The following RAB11FIP5 variants were observed in gnomAD, a reference collection of about 807,000 sequenced individuals.
The protein encoded by RAB11FIP5 is RAB11 family interacting protein 5, also known as rab11 family-interacting protein 5.
A neutral mutation model predicts 85.1 loss-of-function variants in RAB11FIP5; 48 were observed. The ratio of observed to expected loss-of-function variants is 0.56; its 90% CI spans 0.45 to 0.72. The LOEUF (loss-of-function observed/expected upper bound fraction) is 0.72. Ranked by LOEUF, RAB11FIP5 falls within the 30% of genes least tolerant of loss-of-function variation. RAB11FIP5 has a pLI of 0.00. For missense variants in RAB11FIP5, 1,491 were observed against 1,687.0 expected (o/e 0.88, Z 2.04); for synonymous variants, 729 against 727.3 (o/e 1.00, Z -0.04).
At position 73,080,050 on chromosome 2, in the gene RAB11FIP5, T is replaced by A; in HGVS notation, c.3182A>T (p.Asp1061Val). 1 of 1,232,092 alleles carries A rather than the reference T, an allele frequency of 8.1e-7. No individual in the cohort carries two copies. Among genetic ancestry groups the A allele is most frequent in the Non-Finnish European group, 1.0e-6 (1 of 988,012 alleles). The allele number at this position is 1,232,092 out of a possible 1,614,324, so 76.3% of individuals were successfully genotyped here. The change falls in exon 4 of 6, where the codon GAT (aspartate) becomes GTT (valine). Residue 1061 changes from aspartate (D) to valine (V), a missense_variant. Transcript: ENST00000486777. ...CTGAAACAAGAAGGGGTTCAAGGCATCTTCCTTGGAGACCCACACATCAGC... is the reference window on the plus strand; with the variant it reads ...CTGAAACAAGAAGGGGTTCAAGGCAACTTCCTTGGAGACCCACACATCAGC... ...QQADVWVSKEDALNPFLFQGS... is the reference protein window; with the variant it reads ...QQADVWVSKEVALNPFLFQGS...
intron 3 of RAB11FIP5, among the ~76,000 whole-genome samples, chr2:73,083,337 AAC>A (rs1442239532): frequency 2.0e-5 from 3 of 152,148 alleles, no homozygotes; most frequent in Admixed American, 1.3e-4. Context: ...AGTCCAACTA[AAC>A]AGAGGCACAG....
chr2:73,088,970 G>C lies in RAB11FIP5; in HGVS notation c.777C>G (p.Ser259=). ...NTSLGSDSTL[S]SASGSLAYQG... ...GGTAGGCCAAGCTCCCGCTGGCTGA[G>C]GACAGGGTGCTGTCCGAGCCCAGCG... Residue 259 remains serine, a synonymous_variant, in exon 2 of 6, where the codon TCC becomes TCG. Transcript: ENST00000486777. 1 of 1,614,070 alleles carries C rather than the reference G, an allele frequency of 6.2e-7. No homozygotes were observed. The highest frequency in any genetic ancestry group is 1.1e-5 in the South Asian group (1 of 91,076).
intron 1 of RAB11FIP5, among the ~76,000 whole-genome samples, chr2:73,111,470 G>A (rs1055758486): frequency 2.0e-5 from 3 of 152,190 alleles, no homozygotes; most frequent in African/African-American, 7.2e-5. Flanking sequence ...CCCGGGGACT[G>A]GCTTCCAGCT....
chr2:73,081,511 G>GCGGCAGCGGCAGCAGTGA lies in RAB11FIP5; in HGVS notation c.1720_1721insTCACTGCTGCCGCTGCCG (p.Ala573_Ala574insValThrAlaAlaAlaAla). The GCGGCAGCGGCAGCAGTGA allele has an allele frequency of 8.1e-7, 1 of 1,231,896 alleles. No homozygotes were observed. The highest frequency in any genetic ancestry group is 3.1e-5 in the East Asian group (1 of 31,792). The allele number at this position is 1,231,896 out of a possible 1,614,324, so 76.3% of individuals were successfully genotyped here. Reference sequence around the variant, plus strand: ...GGTGGTGGCGGCAGCGGCAGCAGTGGCAGCAGCGGGGGAGGCGGCTGCAAA... The same window carrying GCGGCAGCGGCAGCAGTGA: ...GGTGGTGGCGGCAGCGGCAGCAGTGGCGGCAGCGGCAGCAGTGACAGCAGCGGGGGAGGCGGCTGCAAA... On this transcript the variant is annotated inframe_insertion, in exon 4 of 6. Coordinates refer to ENST00000486777, the MANE Select transcript of RAB11FIP5 (RefSeq NM_001371272.1). This position sits in a 1 kb window ranked among gnomAD's most constrained non-coding sequence, Gnocchi z 4.2.
chr2:73,104,153 G>A (rs1198518783), intron 1 of RAB11FIP5, among the ~76,000 whole-genome samples: 1 of 152,250 alleles, frequency 6.6e-6, no homozygotes, highest in African/African-American at 2.4e-5. Flanking sequence ...ACCTTTGGAA[G>A]GTTACACAAG....
intron 1 of RAB11FIP5, among the ~76,000 whole-genome samples, chr2:73,103,152 C>T (rs1411032200): frequency 6.6e-6 from 1 of 152,176 alleles, no homozygotes; most frequent in Admixed American, 6.5e-5. Flanking sequence ...TACAGTAAAA[C>T]TGCAAGCCAG....
At chr2:73,085,552 G>A (rs1354904962) in intron 3 of RAB11FIP5, among the ~76,000 whole-genome samples, 3 of 152,150 alleles carry the variant, frequency 2.0e-5, no homozygotes, top group Non-Finnish European at 4.4e-5. Flanking sequence ...GCAGGGGAAT[G>A]AGGCTAAGTC....
Position 73,086,962 on chromosome 2 carries a change from C to CAG in RAB11FIP5, c.1568+1086_1568+1087dup, listed in dbSNP as rs2106108546. Among the ~76,000 whole-genome samples, 1 of 152,336 alleles carries CAG rather than the reference C, an allele frequency of 6.6e-6. No individual in the cohort carries two copies. Among genetic ancestry groups the CAG allele is most frequent in the South Asian group, 2.1e-4 (1 of 4,832 alleles). ...GCATGTCTCTCTCCACTCCTCTCAA[C>CAG]AGACTCAGAGTGCCACAGGGAAACA... is the stretch of plus-strand genomic sequence containing the variant. On this transcript the variant is annotated intron_variant, in intron 3 of 5. Coordinates refer to ENST00000486777, the MANE Select transcript of RAB11FIP5 (RefSeq NM_001371272.1). This position sits in a 1 kb window ranked among gnomAD's most constrained non-coding sequence, Gnocchi z 4.4.
At position 73,075,554 on chromosome 2, in the gene RAB11FIP5, C is replaced by T. The variant is rs1051360627; in HGVS notation, c.3942G>A (p.Thr1314=). Residue 1314 remains threonine, a synonymous_variant, in exon 6 of 6, where the codon ACG becomes ACA. Transcript: ENST00000486777. This position sits in a 1 kb window ranked among gnomAD's most constrained non-coding sequence, Gnocchi z 4.6. The part of the protein sequence containing the change: ...LLVRIMETSP[T]LLQIPPGPPK ...GGGGGCCCGGGGGGATCTGCAGCAG[C>T]GTGGGTGAGGTCTCCATGATCCGCA... The T allele has an allele frequency of 6.2e-6, 10 of 1,613,988 alleles. No homozygotes were observed. The highest frequency in any genetic ancestry group is 1.3e-5 in the African/African-American group (1 of 74,912).
Position 73,088,194 on chromosome 2 carries a change from C to T in RAB11FIP5, c.1424G>A (p.Ser475Asn). ...FHHHHQGLSRSELGRRSSLGE... is the reference protein window; with the variant it reads ...FHHHHQGLSRNELGRRSSLGE... ...CAGAGAGCTTCGGCGACCCAACTCG[C>T]TCCGACTTAGGCCTTGGTGGTGGTG... The change falls in exon 3 of 6, where the codon AGC (serine) becomes AAC (asparagine). Residue 475 changes from serine to asparagine, a missense_variant. Coordinates refer to ENST00000486777, the MANE Select transcript of RAB11FIP5 (RefSeq NM_001371272.1). 1 of 1,614,026 alleles carries T rather than the reference C, an allele frequency of 6.2e-7. No homozygotes were observed. The highest frequency in any genetic ancestry group is 8.5e-7 in the Non-Finnish European group (1 of 1,180,034).
Position 73,088,583 on chromosome 2 carries a change from A to T in RAB11FIP5, c.1035T>A (p.Asn345Lys). The change falls in exon 3 of 6, where the codon AAT (asparagine) becomes AAA (lysine). Residue 345 changes from asparagine (N) to lysine (K), a missense_variant. Physicochemically the swap from Asn to Lys is moderately conservative, Grantham distance 94 (BLOSUM62 0). This residue lies in a region of RAB11FIP5 where 1,211 missense variants were observed against 1,338.0 expected (regional missense o/e 0.91). Transcript: ENST00000486777. Reference protein sequence around the residue: ...SLCVNGSHIYNEEPQGPVRHR... With the variant: ...SLCVNGSHIYKEEPQGPVRHR... ...GCCGCACAGGGCCCTGGGGCTCCTC[A>T]TTGTAAATGTGGCTCCCATTGACAC... The T allele has an allele frequency of 6.2e-7, 1 of 1,613,752 alleles. No individual in the cohort carries two copies. Among genetic ancestry groups the T allele is most frequent in the Middle Eastern group, 1.6e-4 (1 of 6,062 alleles).
Position 73,081,005 on chromosome 2 carries a change from G to A in RAB11FIP5, c.2227C>T (p.Leu743Phe), listed in dbSNP as rs978627966. The A allele has an allele frequency of 2.4e-6, 3 of 1,232,246 alleles. No individual in the cohort carries two copies. Among genetic ancestry groups the A allele is most frequent in the Non-Finnish European group, 3.0e-6 (3 of 988,126 alleles). The allele number at this position is 1,232,246 out of a possible 1,614,324, so 76.3% of individuals were successfully genotyped here. Residue 743 changes from leucine to phenylalanine, a missense_variant, in exon 4 of 6, where the codon CTC becomes TTC. This residue lies in a region of RAB11FIP5 where 1,211 missense variants were observed against 1,338.0 expected (regional missense o/e 0.91). Transcript: ENST00000486777. This position sits in a 1 kb window ranked among gnomAD's most constrained non-coding sequence, Gnocchi z 4.2. ...GGCAGGCCAGCCCCTACCGACCCGA[G>A]GAGCCCTGGGTCAGCCGCGCTCGCG... is the stretch of plus-strand genomic sequence containing the variant. ...QSASAADPGL[L>F]GSVGAGLPSS...
chr2:73,079,511 G>A (rs1214427069), intron 4 of RAB11FIP5, 140 bp downstream of exon 4: 35 of 1,085,998 alleles, frequency 3.2e-5, no homozygotes, highest in South Asian at 9.7e-5. Flanking sequence ...AGCCTGTACC[G>A]TCTTGCCTCT....
At chr2:73,094,765 T>C (rs727471) in intron 1 of RAB11FIP5, among the ~76,000 whole-genome samples, 48,384 of 151,938 alleles carry the variant, frequency 0.32, 9,185 homozygotes, top group East Asian at 0.55. Flanking sequence ...AAGGCTTGCC[T>C]TCCCAAGTCC....
At chr2:73,087,965 C>T in intron 3 of RAB11FIP5, 85 bp downstream of exon 3, 1 of 1,340,620 alleles carries the variant, frequency 7.5e-7, no homozygotes, top group Non-Finnish European at 1.0e-6. Context: ...TCCATATCTA[C>T]TCCTTCCTCC....
chr2:73,112,199 T>G (rs1000389763), intron 1 of RAB11FIP5, 148 bp downstream of exon 1: 1 of 983,334 alleles, frequency 1.0e-6, no homozygotes. Flanking sequence ...GACCCCGAAA[T>G]GCGAAGAACC....
chr2:73,110,750 CT>C, intron 1 of RAB11FIP5, among the ~76,000 whole-genome samples: 1 of 152,248 alleles, frequency 6.6e-6, no homozygotes, highest in South Asian at 2.1e-4. Flanking sequence ...ATCAAAGAAG[CT>C]GCTCCCTGCA....
At position 73,086,731 on chromosome 2, in the gene RAB11FIP5, C is replaced by T. The variant is rs1456607178; in HGVS notation, c.1568+1319G>A. On this transcript the variant is annotated intron_variant, in intron 3 of 5. Coordinates refer to ENST00000486777, the MANE Select transcript of RAB11FIP5 (RefSeq NM_001371272.1). This position sits in a 1 kb window ranked among gnomAD's most constrained non-coding sequence, Gnocchi z 4.4. ...TCTGGGAAAGGCCTGTCCCCTTCTT[C>T]CCAATCTTCCCCTAGGCCGCAGATG... is the stretch of plus-strand genomic sequence containing the variant. Among the ~76,000 whole-genome samples, 2 of 152,158 alleles carry T rather than the reference C, an allele frequency of 1.3e-5. No individual in the cohort carries two copies. The highest frequency in any genetic ancestry group is 4.8e-5 in the African/African-American group (2 of 41,428).
In RAB11FIP5 at chr2:73,112,909, G is replaced by C; in HGVS notation, c.-132C>G. On this transcript the variant is annotated 5_prime_UTR_variant, in exon 1 of 6. Coordinates refer to ENST00000486777, the MANE Select transcript of RAB11FIP5 (RefSeq NM_001371272.1). ...CCGCAGCTGCGGGCTGGGCTGGGCCGGGCCGACCGGCCGCCGCCTCCCCGC... is the reference window on the plus strand; with the variant it reads ...CCGCAGCTGCGGGCTGGGCTGGGCCCGGCCGACCGGCCGCCGCCTCCCCGC... 1 of 836,998 alleles carries C rather than the reference G, an allele frequency of 1.2e-6. No homozygotes were observed. Among genetic ancestry groups the C allele is most frequent in the Non-Finnish European group, 1.6e-6 (1 of 637,322 alleles). The allele number at this position is 836,998 out of a possible 1,614,324, so 51.8% of individuals were successfully genotyped here.
Sources: gnomAD v4.1 joint callset for allele counts (sites outside exome capture counted in the v4.1 genomes callset) on GRCh38, gnomAD v4.1.1 for gene constraint, gnomAD v4.1.1 regional missense constraint, Gnocchi (gnomAD v3.1) non-coding constraint, MANE v1.5 for transcripts, NCBI Gene and HGNC (gene_info 2026-07-23, HGNC 2026-07-21) for gene names.